Variants in MDH2 observed in about 807,000 individuals in gnomAD.
MDH2 encodes the protein malate dehydrogenase, mitochondrial.
Under a neutral mutation model 33.6 loss-of-function variants are expected in MDH2, and 25 were observed. The ratio of observed to expected loss-of-function variants is 0.74; its 90% confidence interval spans 0.54 to 1.04. MDH2 has a LOEUF of 1.04. Ranked by LOEUF, MDH2 falls within the 50% of genes least tolerant of loss-of-function variation. MDH2 has a pLI of 0.00. For synonymous variants in MDH2, 193 were observed against 188.7 expected, an observed-to-expected ratio of 1.02 and a Z score of -0.19; for missense variants, 432 against 445.0, an observed-to-expected ratio of 0.97 and a Z score of 0.26.
At chr7:76,065,652 C>T (rs1329549626) in intron 8 of MDH2, among the ~76,000 whole-genome samples, 1 of 152,114 alleles carries the variant, frequency 6.6e-6, no homozygotes, top group African/African-American at 2.4e-5. Context: ...GTGAGACGCA[C>T]CCGGTTCTCA....
At chr7:76,049,485 G>A (rs1374170005) in intron 1 of MDH2, among the ~76,000 whole-genome samples, 1 of 152,032 alleles carries the variant, frequency 6.6e-6, no homozygotes, top group Admixed American at 6.6e-5. Context: ...AAGCGATGAA[G>A]GTCTTAGGGA....
Position 76,054,832 on chromosome 7 carries a change from C to T in MDH2, c.69C>T (p.Asn23=). 6.2e-7 allele frequency: 1 copy of T among 1,613,874 alleles called. No individual in the cohort carries two copies. The highest frequency in any genetic ancestry group is 8.5e-7 in the Non-Finnish European group (1 of 1,179,940). ...CCTTTCTCTGTGCCTCTTTTTAGAA[C>T]AATGCTAAAGTAGCTGTGCTAGGGG... ...LRRSFSTSAQ[N]NAKVAVLGAS... is the part of the protein sequence containing the mutation. The change falls in exon 2 of 9, where the codon AAC becomes AAT. Residue 23 remains asparagine (N), a splice_region_variant and synonymous_variant. Transcript: ENST00000315758.
chr7:76,062,280 C>G (rs1797976908), intron 5 of MDH2, among the ~76,000 whole-genome samples: 1 of 152,236 alleles, frequency 6.6e-6, no homozygotes, highest in Non-Finnish European at 1.5e-5. Flanking sequence ...CCTTGTCCCC[C>G]GTCTTAGCAT....
intron 1 of MDH2, among the ~76,000 whole-genome samples, chr7:76,053,609 A>G (rs1328818572): frequency 1.3e-5 from 2 of 152,164 alleles, no homozygotes; most frequent in Non-Finnish European, 2.9e-5. Context: ...GTTTCTGATA[A>G]CCAAAGCCTG....
At position 76,060,463 on chromosome 7, in the gene MDH2, A is replaced by G. The variant is rs201540528; in HGVS notation, c.520A>G (p.Ile174Val). The stretch of plus-strand genomic sequence containing the variant: ...AATCTTCGGCGTGACGACCCTGGAC[A>G]TCGTCAGAGCCAACACCTTTGTTGC... ...NKIFGVTTLD[I>V]VRANTFVAEL... The change falls in exon 5 of 9, where the codon ATC (isoleucine) becomes GTC (valine). Residue 174 changes from isoleucine to valine, a missense_variant. Physicochemically the swap from Ile to Val is conservative, Grantham distance 29. Coordinates refer to ENST00000315758, the MANE Select transcript of MDH2 (RefSeq NM_005918.4). The G allele has an allele frequency of 1.5e-5, 24 of 1,614,086 alleles. No individual in the cohort carries two copies. The highest frequency in any genetic ancestry group is 2.0e-5 in the Non-Finnish European group (24 of 1,180,036).
At position 76,067,411 on chromosome 7, in the gene MDH2, T is replaced by A. The variant is rs950594540; in HGVS notation, c.*1001T>A. 1 of 152,240 alleles carries A rather than the reference T, an allele frequency of 6.6e-6. No homozygotes were observed. The highest frequency in any genetic ancestry group is 2.4e-5 in the African/African-American group (1 of 41,456). 9.4% of individuals were successfully genotyped at this position (152,240 alleles called of 1,614,324 possible). On this transcript the variant is annotated 3_prime_UTR_variant, in exon 9 of 9. Transcript: ENST00000315758. ...GCTAAAATGGAAATGGATTTTATCA[T>A]AAAGGATGACATCGTTTTCTTCTAC...
At chr7:76,055,098 C>T (rs1470131204) in intron 2 of MDH2, 100 bp downstream of exon 2, 45 of 1,322,692 alleles carry the variant, frequency 3.4e-5, no homozygotes, top group East Asian at 1.2e-4. Flanking sequence ...TGTTTAGAGA[C>T]GGGGGTTTCT....
chr7:76,054,681 TC>T, intron 1 of MDH2, 148 bp from the exon 2 acceptor site: 1 of 933,268 alleles, frequency 1.1e-6, no homozygotes, highest in Non-Finnish European at 1.7e-6. Flanking sequence ...CCTGAATTCT[TC>T]CAGAATGAGA....
rs1053811479 is a variant in MDH2, at chr7:76,057,946, A to G, written c.320-23A>G. The G allele has an allele frequency of 5.0e-6, 8 of 1,607,810 alleles. No homozygotes were observed. In the African/African-American group the frequency reaches 6.7e-5, roughly 13 times the overall value. ...GAAATTTGTGGTGTTCTCTGTTAAC[A>G]TCTCATATTGGATCATTTCCAGGCA... On this transcript the variant is annotated intron_variant, in intron 3 of 8. Coordinates refer to ENST00000315758, the MANE Select transcript of MDH2 (RefSeq NM_005918.4).
At chr7:76,051,560 A>G (rs1797627085) in intron 1 of MDH2, among the ~76,000 whole-genome samples, 1 of 152,032 alleles carries the variant, frequency 6.6e-6, no homozygotes, top group African/African-American at 2.4e-5. Context: ...ACCTCAGGTG[A>G]TGCGCCCATC....
chr7:76,052,430 CAAAAA>C (rs57185949), intron 1 of MDH2, among the ~76,000 whole-genome samples: 1 of 128,752 alleles, frequency 7.8e-6, no homozygotes, highest in East Asian at 2.5e-4. Flanking sequence ...GACCCTATCT[CAAAAA>C]AAAAAAAAAA....
chr7:76,054,881 C>CT lies in MDH2; in HGVS notation c.121dup (p.Ser41PhefsTer17). On this transcript the variant is annotated frameshift_variant, in exon 2 of 9. Coordinates refer to ENST00000315758, the MANE Select transcript of MDH2 (RefSeq NM_005918.4). LOFTEE classifies it high-confidence loss of function. ...GGCCTCTGGAGGCATCGGGCAGCCA[C>CT]TTTCACTTCTCCTGAAGAACAGCCC... 6.2e-7 allele frequency: 1 copy of CT among 1,614,192 alleles called. No homozygotes were observed. Among genetic ancestry groups the CT allele is most frequent in the Non-Finnish European group, 8.5e-7 (1 of 1,180,048 alleles).
chr7:76,055,050 G>A (rs934893475), intron 2 of MDH2, 52 bp downstream of exon 2: 1 of 1,540,014 alleles, frequency 6.5e-7, no homozygotes, highest in Admixed American at 2.2e-5. Context: ...AGTAGGCCAG[G>A]ATTCGAGTTT....
chr7:76,052,562 ATT>A (rs781982527), intron 1 of MDH2, among the ~76,000 whole-genome samples: 23 of 133,086 alleles, frequency 1.7e-4, no homozygotes, highest in Admixed American at 3.0e-4. Context: ...GCTTTGGAAG[ATT>A]TTTTTTTTTT....
intron 2 of MDH2, among the ~76,000 whole-genome samples, chr7:76,056,553 A>G (rs2116670124): frequency 6.6e-6 from 1 of 152,364 alleles, no homozygotes; most frequent in South Asian, 2.1e-4. Context: ...AGGCTCCTGC[A>G]TTAAGGAAAA....
At chr7:76,059,449 C>T (rs1035746896) in intron 4 of MDH2, among the ~76,000 whole-genome samples, 10 of 152,206 alleles carry the variant, frequency 6.6e-5, no homozygotes, top group South Asian at 2.1e-4. Context: ...CACAGCCACC[C>T]CAGGCCCCAC....
chr7:76,055,509 G>A (rs1797744367), intron 2 of MDH2, among the ~76,000 whole-genome samples: 1 of 152,058 alleles, frequency 6.6e-6, no homozygotes, highest in Admixed American at 6.6e-5. Context: ...GCCAAGTCAG[G>A]AGGATTGCTT....
intron 1 of MDH2, among the ~76,000 whole-genome samples, chr7:76,050,521 T>C (rs1585397458): frequency 6.6e-6 from 1 of 152,004 alleles, no homozygotes; most frequent in African/African-American, 2.4e-5. Flanking sequence ...GAGGCTAGGG[T>C]AGTTCCAGAG....
chr7:76,061,005 T>C (rs2116687019), intron 5 of MDH2, among the ~76,000 whole-genome samples: 1 of 152,246 alleles, frequency 6.6e-6, no homozygotes, highest in Non-Finnish European at 1.5e-5. Context: ...TAGCTCACCC[T>C]GGAGAGTCCA....
Sources: allele counts gnomAD v4.1 joint callset (sites outside exome capture counted in the v4.1 genomes callset), GRCh38; gene constraint gnomAD v4.1.1; transcripts MANE v1.5; gene names NCBI Gene and HGNC (gene_info 2026-07-23, HGNC 2026-07-21).